MAP2K5: variants seen among roughly 807,000 people sequenced by gnomAD.
MAP2K5 encodes dual specificity mitogen-activated protein kinase kinase 5.
MAP2K5 carries 49 observed loss-of-function variants against 83.1 expected under a neutral mutation model. That is an observed-to-expected ratio of 0.59 (90% CI 0.47 to 0.75). MAP2K5 has a LOEUF of 0.75. Ranked by LOEUF, MAP2K5 falls within the 30% of genes least tolerant of loss-of-function variation. The pLI, the probability that MAP2K5 is intolerant of heterozygous loss-of-function variation, is 0.00. For synonymous variants in MAP2K5, 202 were observed against 191.8 expected (o/e 1.05, Z -0.44); for missense variants, 457 against 557.5 (o/e 0.82, Z 1.82).
intron 19 of MAP2K5, among the ~76,000 whole-genome samples, chr15:67,763,999 G>A (rs1426905406): frequency 6.6e-6 from 1 of 152,158 alleles, no homozygotes; most frequent in East Asian, 1.9e-4. Context: ...TCTCAATATT[G>A]GTCAGACTAC....
chr15:67,561,404 T>G lies in MAP2K5; in HGVS notation c.185-1879T>G, dbSNP rs1325523611. On this transcript the variant is annotated intron_variant, in intron 2 of 21. Transcript: ENST00000178640. This position sits in a 1 kb window ranked among gnomAD's most constrained non-coding sequence, Gnocchi z 4.2. ...TTCTCCCCCAATTTGGCTCTAGAGA[T>G]TCTATATCTAAAGCGAATGAAAGAA... Among the ~76,000 whole-genome samples, 1 of 152,204 alleles carries G rather than the reference T, an allele frequency of 6.6e-6. No homozygotes were observed. The highest frequency in any genetic ancestry group is 6.5e-5 in the Admixed American group (1 of 15,274).
intron 17 of MAP2K5, among the ~76,000 whole-genome samples, chr15:67,740,584 C>A (rs961314925): frequency 1.3e-5 from 2 of 151,936 alleles, no homozygotes; most frequent in African/African-American, 2.4e-5. Context: ...TAGAGTGAGA[C>A]CCTGTCTCAA....
intron 13 of MAP2K5, among the ~76,000 whole-genome samples, chr15:67,681,865 C>T (rs1320796839): frequency 6.6e-6 from 1 of 152,112 alleles, no homozygotes; most frequent in Non-Finnish European, 1.5e-5. Flanking sequence ...AGCTCCCTTG[C>T]CTTCAATAAA....
intron 8 of MAP2K5, among the ~76,000 whole-genome samples, chr15:67,614,435 G>A (rs1199666029): frequency 6.6e-6 from 1 of 152,148 alleles, no homozygotes; most frequent in Non-Finnish European, 1.5e-5. Flanking sequence ...TGGTTATCAC[G>A]TTGTTTCAAG....
chr15:67,583,510 T>G (rs1025344803), intron 4 of MAP2K5, among the ~76,000 whole-genome samples: 1 of 152,178 alleles, frequency 6.6e-6, no homozygotes, highest in African/African-American at 2.4e-5. Flanking sequence ...GTTTCTAGTT[T>G]TTGGTAGTCT....
chr15:67,732,964 G>A (rs982422850), intron 17 of MAP2K5, among the ~76,000 whole-genome samples: 1 of 152,138 alleles, frequency 6.6e-6, no homozygotes, highest in Non-Finnish European at 1.5e-5. Context: ...TGGGGAGGGG[G>A]GGCTTAACAG....
At chr15:67,728,354 C>A (rs1306488965) in intron 17 of MAP2K5, among the ~76,000 whole-genome samples, 1 of 152,042 alleles carries the variant, frequency 6.6e-6, no homozygotes, top group Non-Finnish European at 1.5e-5. Flanking sequence ...ATTATTTTTG[C>A]TAGGCAAATA....
chr15:67,696,946 T>C (rs909926636), intron 15 of MAP2K5, among the ~76,000 whole-genome samples: 4 of 152,052 alleles, frequency 2.6e-5, no homozygotes, highest in Non-Finnish European at 5.9e-5. Flanking sequence ...ACCATTGCAC[T>C]CCAGCCTGGG....
intron 9 of MAP2K5, among the ~76,000 whole-genome samples, chr15:67,631,997 CTG>C (rs1481668074): frequency 1.3e-5 from 2 of 152,100 alleles, no homozygotes; most frequent in Non-Finnish European, 2.9e-5. Context: ...CTTTACCAAT[CTG>C]TTACTTCCCG....
intron 13 of MAP2K5, among the ~76,000 whole-genome samples, chr15:67,678,250 G>A (rs186079475): frequency 3.4e-4 from 52 of 152,294 alleles, no homozygotes; most frequent in African/African-American, 1.2e-3. Context: ...CCCAGGCACA[G>A]TGCTAGGAGA....
At position 67,758,388 on chromosome 15, in the gene MAP2K5, A is replaced by G. The variant is rs1009284449; in HGVS notation, c.1134+9787A>G. ...CCTGAGATGGGGCACACGGAAAGAG[A>G]GGCATTTTCAAGGGATGAGATGATT... On this transcript the variant is annotated intron_variant, in intron 19 of 21. Coordinates refer to ENST00000178640, the MANE Select transcript of MAP2K5 (RefSeq NM_145160.3). This position sits in a 1 kb window ranked among gnomAD's most constrained non-coding sequence, Gnocchi z 4.7. 1.3e-5 allele frequency among the ~76,000 whole-genome samples: 2 copies of G among 152,014 alleles called. No homozygotes were observed. The highest frequency in any genetic ancestry group is 3.9e-4 in the East Asian group (2 of 5,190).
chr15:67,803,420 CAT>C (rs2090741780), intron 21 of MAP2K5, among the ~76,000 whole-genome samples: 1 of 152,178 alleles, frequency 6.6e-6, no homozygotes, highest in African/African-American at 2.4e-5. Flanking sequence ...TTGCTAAACT[CAT>C]GAGGAATGCC....
rs577965108 is a variant in MAP2K5, at chr15:67,653,561, G to T, written c.737-4992G>T. 2.8e-4 allele frequency among the ~76,000 whole-genome samples: 43 copies of T among 152,184 alleles called. No homozygotes were observed. In the South Asian group the frequency reaches 8.7e-3, roughly 31 times the overall value. ...TCCACCCACCTTGGCCTCCCAAAGT[G>T]CTGGGATTACAGGTGTGAGCCACCA... On this transcript the variant is annotated intron_variant, in intron 11 of 21. Coordinates refer to ENST00000178640, the MANE Select transcript of MAP2K5 (RefSeq NM_145160.3).
intron 3 of MAP2K5, among the ~76,000 whole-genome samples, chr15:67,568,954 C>G (rs1490047955): frequency 6.8e-6 from 1 of 146,510 alleles, no homozygotes; most frequent in Non-Finnish European, 1.5e-5. Context: ...TGCAGTCAGC[C>G]GAGATCACAC....
intron 9 of MAP2K5, among the ~76,000 whole-genome samples, chr15:67,631,610 A>G (rs2086475671): frequency 6.6e-6 from 1 of 152,162 alleles, no homozygotes; most frequent in Non-Finnish European, 1.5e-5. Context: ...GTCAGGCTAC[A>G]CACAACTCAG....
At chr15:67,620,983 T>C (rs574043791) in intron 8 of MAP2K5, among the ~76,000 whole-genome samples, 30 of 152,088 alleles carry the variant, frequency 2.0e-4, no homozygotes, top group African/African-American at 7.0e-4. Context: ...ATAAGTAGAG[T>C]AATATTAGCA....
At chr15:67,772,041 G>A (rs955345275) in intron 20 of MAP2K5, among the ~76,000 whole-genome samples, 1 of 152,176 alleles carries the variant, frequency 6.6e-6, no homozygotes, top group Non-Finnish European at 1.5e-5. Context: ...TGGAAGACAA[G>A]AAATATTTTG....
chr15:67,798,149 G>A (rs183463545), intron 21 of MAP2K5, among the ~76,000 whole-genome samples: 178 of 152,258 alleles, frequency 1.2e-3, no homozygotes, highest in Non-Finnish European at 1.7e-3. Flanking sequence ...TCACAGTGTG[G>A]ACATGCTGCA....
At position 67,802,542 on chromosome 15, in the gene MAP2K5, C is replaced by T. The variant is rs550309239; in HGVS notation, c.1243-4104C>T. Among the ~76,000 whole-genome samples the T allele has an allele frequency of 6.6e-6, 1 of 152,338 alleles. No individual in the cohort carries two copies. The highest frequency in any genetic ancestry group is 1.9e-4 in the East Asian group (1 of 5,194). On this transcript the variant is annotated intron_variant, in intron 21 of 21. Transcript: ENST00000178640. This position sits in a 1 kb window ranked among gnomAD's most constrained non-coding sequence, Gnocchi z 5.0. ...TCGTCAGTTTAATTGTTGCAATTGG[C>T]CCTCAGAGAATCCAGGGAATGAGAG...
Sources: gnomAD v4.1 joint callset for allele counts (sites outside exome capture counted in the v4.1 genomes callset) on GRCh38, gnomAD v4.1.1 for gene constraint, Gnocchi (gnomAD v3.1) non-coding constraint, MANE v1.5 for transcripts, NCBI Gene and HGNC (gene_info 2026-07-23, HGNC 2026-07-21) for gene names.